The following ZNF569 variants were observed in gnomAD, a reference collection of about 807,000 sequenced individuals.
ZNF569 encodes DNA-binding protein.
In ZNF569, 38 loss-of-function variants were observed where a neutral mutation model predicts 56.3. That is an observed-to-expected ratio of 0.68 (90% CI 0.52 to 0.88). The LOEUF is 0.88. Ranked by LOEUF, ZNF569 falls within the 40% of genes least tolerant of loss-of-function variation. The pLI, the probability that ZNF569 is intolerant of heterozygous loss-of-function variation, is 0.00. For missense variants in ZNF569, 666 were observed against 809.2 expected, an observed-to-expected ratio of 0.82 and a Z score of 2.15; for synonymous variants, 241 against 262.9, an observed-to-expected ratio of 0.92 and a Z score of 0.81.
intron 5 of ZNF569, among the ~76,000 whole-genome samples, chr19:37,416,731 A>C (rs2040940646): frequency 6.6e-6 from 1 of 152,190 alleles, no homozygotes; most frequent in South Asian, 2.1e-4. Context: ...CATGGATAGA[A>C]AGGGCTGACT....
Position 37,415,300 on chromosome 19 carries a change from C to T in ZNF569, c.239-881G>A, listed in dbSNP as rs117915460. Among the ~76,000 whole-genome samples, 1,257 of 151,858 alleles carry T rather than the reference C, an allele frequency of 8.3e-3. 7 individuals carry two copies. The highest frequency in any genetic ancestry group is 0.014 in the Non-Finnish European group (945 of 67,924). ...ATTAATGAAAAATGTCAAGTAATGA[C>T]ATTTGAAAAAATGAAAAAATCAAGT... On this transcript the variant is annotated intron_variant, in intron 5 of 5. Transcript: ENST00000316950.
intron 2 of ZNF569, among the ~76,000 whole-genome samples, chr19:37,455,383 T>G (rs1490535236): frequency 6.6e-6 from 1 of 152,180 alleles, no homozygotes; most frequent in African/African-American, 2.4e-5. Flanking sequence ...TTATTTTTCT[T>G]TCCACTGCAA....
chr19:37,448,575 T>G (rs951100037), intron 2 of ZNF569, among the ~76,000 whole-genome samples: 2 of 143,792 alleles, frequency 1.4e-5, no homozygotes, highest in Non-Finnish European at 3.0e-5. Context: ...TTTTTTTTTT[T>G]TTTTTTGAGA....
rs1386674994 is a variant in ZNF569 at position 37,411,931 on chromosome 19, G to A, written c.*666C>T. On this transcript the variant is annotated 3_prime_UTR_variant, in exon 6 of 6. Coordinates refer to ENST00000316950, the MANE Select transcript of ZNF569 (RefSeq NM_152484.3). The stretch of plus-strand genomic sequence containing the variant: ...TAAGTACATGATATATCTAATAATA[G>A]AGTGTGTCTTCTCTACTTGCTTTGT... The A allele has an allele frequency of 6.6e-6, 1 of 151,962 alleles. No individual in the cohort carries two copies. The highest frequency in any genetic ancestry group is 1.5e-5 in the Non-Finnish European group (1 of 67,988). 9.4% of individuals were successfully genotyped at this position (151,962 alleles called of 1,614,324 possible). A position where few individuals can be genotyped will look rare whatever the true frequency, so the allele number is the denominator to read the frequency against.
At chr19:37,449,974 C>T (rs2041565805) in intron 2 of ZNF569, among the ~76,000 whole-genome samples, 1 of 152,104 alleles carries the variant, frequency 6.6e-6, no homozygotes, top group Non-Finnish European at 1.5e-5. Context: ...CCTTTGGTTT[C>T]GTTTAATTGC....
chr19:37,415,359 C>G (rs1398346578), intron 5 of ZNF569, among the ~76,000 whole-genome samples: 2 of 151,876 alleles, frequency 1.3e-5, no homozygotes. Context: ...TAATAAAACT[C>G]AACATCTATT....
At chr19:37,439,095 A>C (rs1292264119) in intron 3 of ZNF569, among the ~76,000 whole-genome samples, 1 of 152,048 alleles carries the variant, frequency 6.6e-6, no homozygotes, top group Non-Finnish European at 1.5e-5. Context: ...TTTGTGATGG[A>C]GTTTCGCTCT....
At chr19:37,460,527 A>G (rs1309352743) in intron 2 of ZNF569, among the ~76,000 whole-genome samples, 3 of 151,134 alleles carry the variant, frequency 2.0e-5, no homozygotes, top group East Asian at 4.0e-4. Context: ...AGATTGTCAG[A>G]GTGCATTTAA....
chr19:37,427,735 AG>A (rs1299467465), intron 3 of ZNF569: 1 of 491,914 alleles, frequency 2.0e-6, no homozygotes, highest in Non-Finnish European at 4.0e-6. Context: ...AAGAAGCAAA[AG>A]GCAAAGTGTC....
In ZNF569 at chr19:37,413,527, T is replaced by C; in HGVS notation, c.1131A>G (p.Thr377=). ...SMLIIHVRIH[T]GEKPYECNEC... ...CATTACATTCATAGGGTTTTTCACC[T>C]GTATGAATTCTAACATGTATAATAA... Residue 377 remains threonine, a synonymous_variant, in exon 6 of 6, where the codon ACA becomes ACG. Transcript: ENST00000316950. 1 of 1,612,870 alleles carries C rather than the reference T, an allele frequency of 6.2e-7. No homozygotes were observed. Among genetic ancestry groups the C allele is most frequent in the Non-Finnish European group, 8.5e-7 (1 of 1,179,566 alleles).
At chr19:37,418,101 A>AAATAATAAT (rs199794961) in intron 5 of ZNF569, among the ~76,000 whole-genome samples, 2,068 of 143,272 alleles carry the variant, frequency 0.014, 34 homozygotes, top group Admixed American at 0.037. Context: ...ACTCCATCTC[A>AAATAATAAT]AATAATAATA....
Position 37,413,263 on chromosome 19 carries a change from G to A in ZNF569, c.1395C>T (p.Pro465=). The change falls in exon 6 of 6, where the codon CCC becomes CCT. Residue 465 remains proline, a synonymous_variant. Transcript: ENST00000316950. ...CTTTCCCACATTCCTTACATATATA[G>A]GGTTTTTCCCCAGTATGAATTCTCT... ...RHQRIHTGEK[P]YICKECGKAF... The A allele has an allele frequency of 3.1e-6, 5 of 1,611,126 alleles. No homozygotes were observed. Among genetic ancestry groups the A allele is most frequent in the Non-Finnish European group, 4.2e-6 (5 of 1,179,192 alleles).
intron 3 of ZNF569, 147 bp downstream of exon 3, chr19:37,444,755 ACTCTT>A (rs1169942234): frequency 1.8e-6 from 1 of 551,194 alleles, no homozygotes. Context: ...CCACATTTTA[ACTCTT>A]CCCTAGTTTT....
At chr19:37,459,405 T>C (rs1270746497) in intron 2 of ZNF569, among the ~76,000 whole-genome samples, 1 of 151,648 alleles carries the variant, frequency 6.6e-6, no homozygotes, top group Non-Finnish European at 1.5e-5. Flanking sequence ...AAGAAGAAAG[T>C]GGTGTGAAAT....
At chr19:37,462,809 C>T (rs866326494) in intron 2 of ZNF569, among the ~76,000 whole-genome samples, 5 of 152,162 alleles carry the variant, frequency 3.3e-5, no homozygotes, top group African/African-American at 7.2e-5. Context: ...CATTCAGTCT[C>T]GTGTTAAATA....
At chr19:37,421,743 C>CTTTTTTT (rs748058159) in intron 5 of ZNF569, among the ~76,000 whole-genome samples, 31 of 79,704 alleles carry the variant, frequency 3.9e-4, no homozygotes, top group East Asian at 7.4e-4. Context: ...TGTAGTGGCA[C>CTTTTTTT]TTTTTTTTTT....
At chr19:37,429,004 G>C (rs1183348028) in intron 3 of ZNF569, among the ~76,000 whole-genome samples, 3 of 151,988 alleles carry the variant, frequency 2.0e-5, no homozygotes, top group Non-Finnish European at 2.9e-5. Flanking sequence ...GAAATGAATA[G>C]GTTAAAGGGA....
chr19:37,427,839 G>T (rs749569026), intron 3 of ZNF569: 1 of 515,642 alleles, frequency 1.9e-6, no homozygotes, highest in East Asian at 5.5e-5. Flanking sequence ...ATTTGGTGAG[G>T]AAGTGGGACT....
chr19:37,456,556 A>T (rs571102895), intron 2 of ZNF569, among the ~76,000 whole-genome samples: 1 of 152,326 alleles, frequency 6.6e-6, no homozygotes, highest in Admixed American at 6.5e-5. Context: ...TTTTCTTTAG[A>T]CAGGGAGTTG....
Sources: allele counts gnomAD v4.1 joint callset (sites outside exome capture counted in the v4.1 genomes callset), GRCh38; gene constraint gnomAD v4.1.1; transcripts MANE v1.5; gene names NCBI Gene and HGNC (gene_info 2026-07-23, HGNC 2026-07-21).